The following CXCL13 variants were observed in gnomAD, a reference collection of about 807,000 sequenced individuals.
CXCL13 encodes C-X-C motif chemokine 13.
A neutral mutation model predicts 12.2 loss-of-function variants in CXCL13; 7 were observed. The ratio of observed to expected loss-of-function variants is 0.57; its 90% CI spans 0.33 to 1.07. The LOEUF is 1.07. Ranked by LOEUF, CXCL13 falls within the 50% of genes least tolerant of loss-of-function variation. The pLI is 0.04. For synonymous variants in CXCL13, 47 were observed against 42.4 expected, an observed-to-expected ratio of 1.11 and a Z score of -0.42; for missense variants, 113 against 127.4, an observed-to-expected ratio of 0.89 and a Z score of 0.55.
At chr4:77,580,756 C>T (rs1726311941) in intron 1 of CXCL13, among the ~76,000 whole-genome samples, 1 of 112,342 alleles carries the variant, frequency 8.9e-6, no homozygotes, top group Admixed American at 8.9e-5. Context: ...CTTCCCCTCC[C>T]CTCCTCTCCC....
At chr4:77,601,505 G>A (rs924827049), upstream of CXCL13, among the ~76,000 whole-genome samples, 1 of 152,158 alleles carries the variant, frequency 6.6e-6, no homozygotes, top group African/African-American at 2.4e-5. Context: ...GAGGAGAGTA[G>A]GTAAAAACAA....
At chr4:77,513,455 CTT>C (rs574725892) in intron 1 of CXCL13, among the ~76,000 whole-genome samples, 8 of 144,684 alleles carry the variant, frequency 5.5e-5, no homozygotes, top group African/African-American at 5.1e-5. Context: ...TGTTTCCTGA[CTT>C]TTTTTTTTTT....
chr4:77,530,839 C>T (rs1724895795), intron 1 of CXCL13, among the ~76,000 whole-genome samples: 1 of 151,958 alleles, frequency 6.6e-6, no homozygotes, highest in Admixed American at 6.6e-5. Context: ...TTTGTTCTTG[C>T]TTCTCTAGTT....
chr4:77,519,040 A>G (rs756626687), intron 1 of CXCL13, among the ~76,000 whole-genome samples: 1 of 152,060 alleles, frequency 6.6e-6, no homozygotes, highest in African/African-American at 2.4e-5. Context: ...AGTCTGTTGG[A>G]GTTTGCTAGA....
intron 1 of CXCL13, among the ~76,000 whole-genome samples, chr4:77,555,535 A>T (rs1281253646): frequency 6.6e-6 from 1 of 152,092 alleles, no homozygotes; most frequent in African/African-American, 2.4e-5. Context: ...TAGAATAGAG[A>T]CCTAAATGTA....
chr4:77,551,056 T>C (rs560597963), intron 1 of CXCL13, among the ~76,000 whole-genome samples: 1 of 152,314 alleles, frequency 6.6e-6, no homozygotes, highest in South Asian at 2.1e-4. Context: ...CAGCAGACAC[T>C]TGGGTCCTGT....
intron 1 of CXCL13, among the ~76,000 whole-genome samples, chr4:77,534,752 C>T (rs1378714996): frequency 1.3e-5 from 2 of 152,214 alleles, no homozygotes; most frequent in Non-Finnish European, 2.9e-5. Context: ...CACTTAATCT[C>T]TCATCTCCTG....
At position 77,527,596 on chromosome 4, in the gene CXCL13, C is replaced by T. The variant is rs552751371; in HGVS notation, c.-43+15808C>T. Among the ~76,000 whole-genome samples the T allele has an allele frequency of 2.0e-5, 3 of 151,958 alleles. No individual in the cohort carries two copies. The South Asian group carries it at 6.2e-4, about 32-fold the overall frequency. On this transcript the variant is annotated intron_variant, in intron 1 of 4. Transcript: ENST00000286758. ...GCAGTGAACCAAGATCATGCCACTG[C>T]TCTCTAGCCTGGGTGACAGAGTGAG... is the stretch of plus-strand genomic sequence containing the variant.
chr4:77,515,449 T>A (rs1306474149), intron 1 of CXCL13, among the ~76,000 whole-genome samples: 4 of 152,154 alleles, frequency 2.6e-5, no homozygotes, highest in Non-Finnish European at 5.9e-5. Context: ...GCATGGAAGG[T>A]TCTTTCATTT....
intron 1 of CXCL13, among the ~76,000 whole-genome samples, chr4:77,524,503 C>T (rs1306405978): frequency 6.6e-6 from 1 of 152,058 alleles, no homozygotes; most frequent in African/African-American, 2.4e-5. Flanking sequence ...GCACTTTCTC[C>T]ATGGGCATGG....
At chr4:77,524,779 C>A (rs1724719950) in intron 1 of CXCL13, among the ~76,000 whole-genome samples, 1 of 152,154 alleles carries the variant, frequency 6.6e-6, no homozygotes, top group Non-Finnish European at 1.5e-5. Context: ...GTTGGAAATG[C>A]AGAAGTCCCC....
At chr4:77,521,208 G>T (rs1724586878) in intron 1 of CXCL13, among the ~76,000 whole-genome samples, 1 of 152,190 alleles carries the variant, frequency 6.6e-6, no homozygotes, top group Non-Finnish European at 1.5e-5. Context: ...CCAGGCTTTG[G>T]TATCAGGATG....
At chr4:77,597,656 C>T (rs1406247950) in intron 1 of CXCL13, among the ~76,000 whole-genome samples, 3 of 152,172 alleles carry the variant, frequency 2.0e-5, no homozygotes, top group Non-Finnish European at 4.4e-5. Flanking sequence ...GATTTCCCCA[C>T]CAAGAGTCTT....
intron 1 of CXCL13, among the ~76,000 whole-genome samples, chr4:77,521,689 G>A (rs1712190837): frequency 1.3e-5 from 2 of 151,504 alleles, no homozygotes; most frequent in African/African-American, 2.4e-5. Flanking sequence ...TTGATTTTTT[G>A]AAGGGTATTT....
At chr4:77,588,577 C>T (rs1393512482) in intron 1 of CXCL13, among the ~76,000 whole-genome samples, 6 of 152,172 alleles carry the variant, frequency 3.9e-5, no homozygotes, top group Non-Finnish European at 7.3e-5. Context: ...TCTTATTTGT[C>T]CTTGGCATGT....
intron 1 of CXCL13, among the ~76,000 whole-genome samples, chr4:77,516,101 G>A (rs1231447452): frequency 2.6e-5 from 4 of 152,104 alleles, no homozygotes; most frequent in Non-Finnish European, 5.9e-5. Context: ...TTTATATGCT[G>A]GATTACATTT....
intron 1 of CXCL13, among the ~76,000 whole-genome samples, chr4:77,567,163 A>G (rs2109816229): frequency 6.6e-6 from 1 of 152,208 alleles, no homozygotes; most frequent in South Asian, 2.1e-4. Flanking sequence ...CACCCTTGAG[A>G]ATGTACTTTG....
intron 1 of CXCL13, among the ~76,000 whole-genome samples, chr4:77,570,817 T>A (rs961974747): frequency 6.6e-6 from 1 of 152,036 alleles, no homozygotes; most frequent in Admixed American, 6.5e-5. Flanking sequence ...GGCCAGCAGC[T>A]GCAGAGGGTG....
intron 1 of CXCL13, among the ~76,000 whole-genome samples, chr4:77,515,217 G>A (rs1456350951): frequency 1.3e-5 from 2 of 152,206 alleles, no homozygotes; most frequent in South Asian, 2.1e-4. Flanking sequence ...TAGCCTTGTA[G>A]TATAGTTTGA....
Sources: allele counts gnomAD v4.1 joint callset (sites outside exome capture counted in the v4.1 genomes callset), GRCh38; gene constraint gnomAD v4.1.1; transcripts MANE v1.5; gene names NCBI Gene and HGNC (gene_info 2026-07-23, HGNC 2026-07-21).